Variants in KDM4C observed in about 807,000 individuals in gnomAD.
KDM4C encodes the protein lysine-specific demethylase 4C.
KDM4C carries 81 observed loss-of-function variants against 129.3 expected under a neutral mutation model. That is an observed-to-expected ratio of 0.63 (90% CI 0.52 to 0.75). The LOEUF (loss-of-function observed/expected upper bound fraction) is 0.75, where lower values mean the gene tolerates loss of function less well. KDM4C is among the 30% of genes least tolerant of loss of function. The pLI is 0.00. For missense variants in KDM4C, 1,457 were observed against 1,304.0 expected, an observed-to-expected ratio of 1.12 and a Z score of -1.81; for synonymous variants, 573 against 456.1, an observed-to-expected ratio of 1.26 and a Z score of -3.26.
At chr9:7,083,984 C>T (rs1256165120) in intron 17 of KDM4C, among the ~76,000 whole-genome samples, 1 of 152,156 alleles carries the variant, frequency 6.6e-6, no homozygotes, top group Non-Finnish European at 1.5e-5. Context: ...GGCAGAGTTA[C>T]TCAAATTATC....
chr9:7,115,233 G>T (rs1409077367), intron 18 of KDM4C, among the ~76,000 whole-genome samples: 1 of 151,980 alleles, frequency 6.6e-6, no homozygotes, highest in Non-Finnish European at 1.5e-5. Flanking sequence ...TCGTAGATAA[G>T]GTGTATTTTC....
intron 4 of KDM4C, chr9:6,834,515 C>T (rs527440031): frequency 1.3e-4 from 86 of 654,454 alleles, no homozygotes; most frequent in South Asian, 1.3e-3. Flanking sequence ...GGAAGGCTGG[C>T]TTCGCAGGTG....
Position 7,024,947 on chromosome 9 carries a change from C to A in KDM4C, c.2259+9018C>A, listed in dbSNP as rs549516719. Among the ~76,000 whole-genome samples, 9 of 152,330 alleles carry A rather than the reference C, an allele frequency of 5.9e-5. No individual in the cohort carries two copies. The East Asian group carries it at 1.2e-3, about 20-fold the overall frequency. On this transcript the variant is annotated intron_variant, in intron 15 of 21. Coordinates refer to ENST00000381309, the MANE Select transcript of KDM4C (RefSeq NM_015061.6). ...GTGGTTGAACTAGTTTACAGTCCCACCAACAGTGTAAAAGTGTTCCTATTT... is the reference window on the plus strand; with the variant it reads ...GTGGTTGAACTAGTTTACAGTCCCAACAACAGTGTAAAAGTGTTCCTATTT...
At chr9:6,948,978 G>T (rs1346466801) in intron 8 of KDM4C, among the ~76,000 whole-genome samples, 1 of 152,200 alleles carries the variant, frequency 6.6e-6, no homozygotes, top group Admixed American at 6.5e-5. Flanking sequence ...ATCATGGCCC[G>T]TTCTCATTGA....
rs149685926 is a variant in KDM4C at position 6,864,861 on chromosome 9, C to G, written c.630-15151C>G. On this transcript the variant is annotated intron_variant, in intron 5 of 21. Coordinates refer to ENST00000381309, the MANE Select transcript of KDM4C (RefSeq NM_015061.6). Reference sequence around the variant, plus strand: ...CTGTGTCTATGTATGTGCCTGTCTTCAAGCTTACTGTTTCTTTCCTCTGCT... The same window carrying G: ...CTGTGTCTATGTATGTGCCTGTCTTGAAGCTTACTGTTTCTTTCCTCTGCT... 2.4e-3 allele frequency among the ~76,000 whole-genome samples: 363 copies of G among 151,618 alleles called. 5 individuals carry two copies. The highest frequency in any genetic ancestry group is 8.6e-3 in the African/African-American group (354 of 41,340).
chr9:7,105,329 CAAG>C (rs1391624158), intron 18 of KDM4C: 8 of 422,594 alleles, frequency 1.9e-5, no homozygotes, highest in Non-Finnish European at 4.0e-5. Flanking sequence ...CAACCCTGTG[CAAG>C]TTCTTATTTC....
At chr9:6,988,170 A>AGG (rs1818068847) in intron 11 of KDM4C, among the ~76,000 whole-genome samples, 1 of 150,208 alleles carries the variant, frequency 6.7e-6, no homozygotes, top group African/African-American at 2.5e-5. Context: ...AAAAAAAAAA[A>AGG]AAAAAAAAAA....
At chr9:6,908,614 G>T (rs187846371) in intron 8 of KDM4C, among the ~76,000 whole-genome samples, 2 of 152,012 alleles carry the variant, frequency 1.3e-5, no homozygotes, top group African/African-American at 4.8e-5. Context: ...ATCTTCTTGG[G>T]GGGAGGATGT....
At chr9:7,117,909 G>A (rs977627705) in intron 18 of KDM4C, among the ~76,000 whole-genome samples, 1 of 152,178 alleles carries the variant, frequency 6.6e-6, no homozygotes, top group African/African-American at 2.4e-5. Flanking sequence ...TCTAACTAAT[G>A]TGAACTCTCA....
intron 8 of KDM4C, among the ~76,000 whole-genome samples, chr9:6,969,187 C>A (rs963898059): frequency 6.6e-5 from 10 of 152,298 alleles, no homozygotes; most frequent in African/African-American, 2.4e-4. Flanking sequence ...CTGCCTGCGT[C>A]TGCCTCCCAA....
chr9:6,940,751 A>G (rs539691730), intron 8 of KDM4C, among the ~76,000 whole-genome samples: 17 of 152,334 alleles, frequency 1.1e-4, no homozygotes, highest in African/African-American at 3.8e-4. Context: ...ATCATAAGAC[A>G]TGTAACTACC....
intron 4 of KDM4C, among the ~76,000 whole-genome samples, chr9:6,815,632 C>G (rs929140741): frequency 2.6e-5 from 4 of 152,308 alleles, no homozygotes; most frequent in Admixed American, 2.6e-4. Flanking sequence ...ATCCAGAAAT[C>G]CAAAATCTAA....
intron 18 of KDM4C, among the ~76,000 whole-genome samples, chr9:7,123,353 C>T (rs1177734845): frequency 6.6e-6 from 1 of 152,136 alleles, no homozygotes; most frequent in East Asian, 1.9e-4. Context: ...CTTCCGCTAC[C>T]CACATACATG....
rs375952778 is a variant in KDM4C at position 6,814,771 on chromosome 9, T to C, written c.435+26T>C. ...GTACATTCATATTTACAGTGAGTTT[T>C]GTAAAGATCATTGGATGTGACAGTT... is the stretch of plus-strand genomic sequence containing the variant. On this transcript the variant is annotated intron_variant, in intron 4 of 21. Transcript: ENST00000381309. 1.3e-5 allele frequency: 18 copies of C among 1,401,566 alleles called. No homozygotes were observed. The African/African-American group carries it at 2.6e-4, about 20-fold the overall frequency. 86.8% of individuals were successfully genotyped at this position (1,401,566 alleles called of 1,614,324 possible).
At chr9:6,903,894 C>G (rs1563788363) in intron 8 of KDM4C, among the ~76,000 whole-genome samples, 1 of 152,120 alleles carries the variant, frequency 6.6e-6, no homozygotes, top group Non-Finnish European at 1.5e-5. Flanking sequence ...CAATGTTATT[C>G]AAGATCCTAT....
intron 1 of KDM4C, among the ~76,000 whole-genome samples, chr9:6,768,964 G>C (rs188697220): frequency 6.6e-6 from 1 of 151,816 alleles, no homozygotes; most frequent in Non-Finnish European, 1.5e-5. Context: ...GTAGAGGCGG[G>C]GTTTCACCAT....
intron 12 of KDM4C, among the ~76,000 whole-genome samples, chr9:7,001,479 C>T (rs1266202341): frequency 1.3e-5 from 2 of 152,168 alleles, no homozygotes; most frequent in Non-Finnish European, 2.9e-5. Context: ...GTAGAGCTGA[C>T]AGGACCATGT....
chr9:6,881,574 A>T (rs1273681553), intron 6 of KDM4C, among the ~76,000 whole-genome samples: 1 of 152,200 alleles, frequency 6.6e-6, no homozygotes, highest in African/African-American at 2.4e-5. Context: ...GCCGATGTAA[A>T]CCTTACAATA....
chr9:6,883,559 C>T (rs1419259469), intron 6 of KDM4C, among the ~76,000 whole-genome samples: 1 of 152,142 alleles, frequency 6.6e-6, no homozygotes, highest in Non-Finnish European at 1.5e-5. Context: ...CAGCCATGTT[C>T]CTAGTGGGAT....
Sources: allele counts gnomAD v4.1 joint callset (sites outside exome capture counted in the v4.1 genomes callset), GRCh38; gene constraint gnomAD v4.1.1; transcripts MANE v1.5; gene names NCBI Gene and HGNC (gene_info 2026-07-23, HGNC 2026-07-21).